C9orf153: variants seen among roughly 807,000 people sequenced by gnomAD.
The protein encoded by C9orf153 is chromosome 9 open reading frame 153.
In C9orf153, 10 loss-of-function variants were observed where a neutral mutation model predicts 9.0. That is an observed-to-expected ratio of 1.11 (90% CI 0.69 to 1.89). C9orf153 has a LOEUF of 1.89. C9orf153 is among the 40% of genes most tolerant of loss of function. C9orf153 has a pLI of 0.00. For synonymous variants in C9orf153, 35 were observed against 37.3 expected (o/e 0.94, Z 0.23); for missense variants, 108 against 111.0 (o/e 0.97, Z 0.12).
At chr9:86,234,763 G>T (rs554904836) in intron 1 of C9orf153, among the ~76,000 whole-genome samples, 62 of 152,270 alleles carry the variant, frequency 4.1e-4, no homozygotes, top group African/African-American at 1.4e-3. Context: ...ATAGTGAAAA[G>T]ACCAATCACA....
chr9:86,225,767 G>A (rs1824317521), intron 3 of C9orf153, among the ~76,000 whole-genome samples: 1 of 152,124 alleles, frequency 6.6e-6, no homozygotes, highest in South Asian at 2.1e-4. Flanking sequence ...TTATAGGCGT[G>A]AGCCACCATG....
At chr9:86,251,941 A>G (rs866370554) in intron 1 of C9orf153, among the ~76,000 whole-genome samples, 24 of 147,774 alleles carry the variant, frequency 1.6e-4, no homozygotes, top group Non-Finnish European at 2.7e-4. Context: ...ACACACACAC[A>G]CGAGAGAGAG....
rs548198922 is a variant in C9orf153 at position 86,238,114 on chromosome 9, C to T, written c.-26-8485G>A. On this transcript the variant is annotated intron_variant, in intron 1 of 3. Coordinates refer to ENST00000339137, the MANE Select transcript of C9orf153 (RefSeq NM_001276366.4). ...CCAAAAAACAAAACAAAACAAAAAA[C>T]CCAAAACAAACCATGGGAGGCAAAA... 2.0e-5 allele frequency among the ~76,000 whole-genome samples: 3 copies of T among 151,916 alleles called. No homozygotes were observed. In the South Asian group the frequency reaches 6.3e-4, roughly 32 times the overall value.
intron 1 of C9orf153, among the ~76,000 whole-genome samples, chr9:86,232,691 C>T (rs1462679221): frequency 7.9e-5 from 12 of 152,034 alleles, no homozygotes; most frequent in Admixed American, 7.9e-4. Context: ...TTTTCTCTCT[C>T]CCACCCAGGG....
chr9:86,246,622 C>T (rs952018090), intron 1 of C9orf153, among the ~76,000 whole-genome samples: 1 of 152,188 alleles, frequency 6.6e-6, no homozygotes, highest in Non-Finnish European at 1.5e-5. Context: ...ACTTTTCTCT[C>T]AACATCTAAT....
At chr9:86,240,151 T>C (rs1397842783) in intron 1 of C9orf153, among the ~76,000 whole-genome samples, 1 of 152,130 alleles carries the variant, frequency 6.6e-6, no homozygotes, top group Non-Finnish European at 1.5e-5. Flanking sequence ...CCAACAACTT[T>C]CTGACACATG....
In C9orf153 at chr9:86,229,614, T is replaced by C. The variant is rs770061584; in HGVS notation, c.-11A>G. 1.2e-6 allele frequency: 2 copies of C among 1,602,382 alleles called. No individual in the cohort carries two copies. Among genetic ancestry groups the C allele is most frequent in the African/African-American group, 2.7e-5 (2 of 74,588 alleles). On this transcript the variant is annotated 5_prime_UTR_variant, in exon 2 of 4. Coordinates refer to ENST00000339137, the MANE Select transcript of C9orf153 (RefSeq NM_001276366.4). Reference sequence around the variant, plus strand: ...TCCAGTGAGGAACATCGTGCTGGGATTTTATTCTCTAATTCCTAAAAAAAG... The same window carrying C: ...TCCAGTGAGGAACATCGTGCTGGGACTTTATTCTCTAATTCCTAAAAAAAG...
intron 2 of C9orf153, chr9:86,228,925 C>A (rs1000439547): frequency 7.6e-6 from 2 of 263,710 alleles, no homozygotes; most frequent in South Asian, 6.4e-5. Context: ...AGTATGAGCT[C>A]TGCTACAAGG....
chr9:86,234,631 A>AT (rs1824539893), intron 1 of C9orf153, among the ~76,000 whole-genome samples: 1 of 152,334 alleles, frequency 6.6e-6, no homozygotes, highest in South Asian at 2.1e-4. Flanking sequence ...ATAAGGGTAA[A>AT]TTTTTGTGAC....
intron 1 of C9orf153, among the ~76,000 whole-genome samples, chr9:86,245,557 C>A (rs1301853785): frequency 1.6e-4 from 25 of 152,168 alleles, no homozygotes. Context: ...CCTCCGGGTT[C>A]ATCCACGTTA....
At chr9:86,224,096 T>C (rs1204887714) in intron 3 of C9orf153, among the ~76,000 whole-genome samples, 1 of 151,774 alleles carries the variant, frequency 6.6e-6, no homozygotes, top group African/African-American at 2.4e-5. Context: ...CTCAAAAAAA[T>C]GTAAAATGGG....
chr9:86,231,460 G>C (rs1380600736), intron 1 of C9orf153, among the ~76,000 whole-genome samples: 3 of 152,012 alleles, frequency 2.0e-5, no homozygotes, highest in African/African-American at 7.3e-5. Flanking sequence ...GAGTGTCTGA[G>C]ATGAACCAAA....
intron 1 of C9orf153, among the ~76,000 whole-genome samples, chr9:86,233,655 G>A (rs1160400546): frequency 6.6e-6 from 1 of 151,878 alleles, no homozygotes; most frequent in African/African-American, 2.4e-5. Flanking sequence ...GACCTCAGGT[G>A]ATCCACCTGC....
chr9:86,230,344 C>T (rs894684735), intron 1 of C9orf153, among the ~76,000 whole-genome samples: 4 of 152,138 alleles, frequency 2.6e-5, no homozygotes, highest in African/African-American at 9.7e-5. Context: ...TCTTGTTGCC[C>T]ATGCTGGAGT....
intron 1 of C9orf153, among the ~76,000 whole-genome samples, chr9:86,237,875 T>C (rs894814507): frequency 3.9e-5 from 6 of 152,030 alleles, no homozygotes; most frequent in Non-Finnish European, 7.4e-5. Flanking sequence ...GGTCAGGAGT[T>C]CGAGATCAGC....
rs140615995 is a variant in C9orf153, at chr9:86,254,650, T to C, written c.-27+4900A>G. 3.3e-3 allele frequency among the ~76,000 whole-genome samples: 510 copies of C among 152,344 alleles called. 8 individuals carry two copies. The highest frequency in any genetic ancestry group is 0.012 in the African/African-American group (489 of 41,584). On this transcript the variant is annotated intron_variant, in intron 1 of 3. Transcript: ENST00000339137. ...TGTTTTTCTTCTGTTTCCATAGAAA[T>C]GCCTCTTATTAAAGATCTGTTTACC... is the stretch of plus-strand genomic sequence containing the variant.
At chr9:86,227,486 A>T (rs540830402) in intron 3 of C9orf153, 34 of 1,387,388 alleles carry the variant, frequency 2.5e-5, no homozygotes, top group Non-Finnish European at 3.1e-5. Flanking sequence ...TGCTCTAGTA[A>T]ATTTGCAATG....
intron 1 of C9orf153, among the ~76,000 whole-genome samples, chr9:86,229,964 G>C (rs1487478673): frequency 6.6e-6 from 1 of 152,020 alleles, no homozygotes; most frequent in Non-Finnish European, 1.5e-5. Flanking sequence ...GAGCAAAGGG[G>C]GAAGTGCTAT....
chr9:86,232,006 C>T (rs1334977955), intron 1 of C9orf153, among the ~76,000 whole-genome samples: 2 of 151,998 alleles, frequency 1.3e-5, no homozygotes, highest in South Asian at 2.1e-4. Context: ...TGTAATCTCT[C>T]GCCTCTCTCC....
Sources: gnomAD v4.1 joint callset for allele counts (sites outside exome capture counted in the v4.1 genomes callset) on GRCh38, gnomAD v4.1.1 for gene constraint, MANE v1.5 for transcripts, NCBI Gene and HGNC (gene_info 2026-07-23, HGNC 2026-07-21) for gene names.